Variants in NPSR1 observed in about 807,000 individuals in gnomAD.
NPSR1 encodes neuropeptide S receptor 1.
NPSR1 carries 48 observed loss-of-function variants against 46.9 expected under a neutral mutation model. The observed-to-expected ratio is 1.02, with a 90% CI of 0.81 to 1.30. The LOEUF (loss-of-function observed/expected upper bound fraction) is 1.30, where lower values mean the gene tolerates loss of function less well. Ranked by LOEUF, NPSR1 falls within the 50% of genes most tolerant of loss-of-function variation. The probability of loss-of-function intolerance (pLI) is 0.00; values close to 1 mark genes in which losing one functional copy is unlikely to be tolerated. For synonymous variants in NPSR1, 176 were observed against 168.1 expected (o/e 1.05, Z -0.36); for missense variants, 450 against 449.5 (o/e 1.00, Z -0.01).
rs139272346 is a variant in NPSR1, at chr7:34,808,028, C to G, written c.385-3742C>G. Reference sequence around the variant, plus strand: ...ACTGGGAGATTATTCTGGTTTATCCCAGTGATTCCCACATGTAATCATAAC... The same window carrying G: ...ACTGGGAGATTATTCTGGTTTATCCGAGTGATTCCCACATGTAATCATAAC... On this transcript the variant is annotated intron_variant, in intron 3 of 8. Coordinates refer to ENST00000360581, the MANE Select transcript of NPSR1 (RefSeq NM_207172.2). Among the ~76,000 whole-genome samples the G allele has an allele frequency of 1.1e-3, 173 of 152,162 alleles. 1 individual carries two copies. The highest frequency in any genetic ancestry group is 4.1e-3 in the African/African-American group (171 of 41,514).
chr7:34,799,358 G>C (rs1167845183), intron 3 of NPSR1, among the ~76,000 whole-genome samples: 1 of 151,682 alleles, frequency 6.6e-6, no homozygotes, highest in Non-Finnish European at 1.5e-5. Flanking sequence ...TCTTTAAAAA[G>C]ATAATAAAAT....
At chr7:34,873,586 T>C (rs990177113) in intron 8 of NPSR1, among the ~76,000 whole-genome samples, 11 of 151,182 alleles carry the variant, frequency 7.3e-5, no homozygotes, top group Non-Finnish European at 1.5e-4. Flanking sequence ...AAGAGAGAGG[T>C]GGAGGTATCA....
At chr7:34,781,510 A>G (rs1787230880) in intron 3 of NPSR1, among the ~76,000 whole-genome samples, 1 of 152,200 alleles carries the variant, frequency 6.6e-6, no homozygotes, top group South Asian at 2.1e-4. Context: ...GAAAGGTGGA[A>G]GCTATCAGTA....
At position 34,725,126 on chromosome 7, in the gene NPSR1, G is replaced by GAC. The variant is rs1175106673; in HGVS notation, c.280+40455_280+40456dup. Among the ~76,000 whole-genome samples the GAC allele has an allele frequency of 3.7e-3, 410 of 112,062 alleles. 5 individuals are homozygous for GAC. Among genetic ancestry groups the GAC allele is most frequent in the African/African-American group, 0.013 (388 of 29,406 alleles). 73.5% of individuals were successfully genotyped at this position (112,062 alleles called of 152,430 possible). On this transcript the variant is annotated intron_variant, in intron 2 of 8. Coordinates refer to ENST00000360581, the MANE Select transcript of NPSR1 (RefSeq NM_207172.2). ...ACACACACACACACACACACACACA[G>GAC]ACACACACACACACTCACACACACA...
At chr7:34,832,357 A>G (rs766036719) in intron 5 of NPSR1, among the ~76,000 whole-genome samples, 4 of 152,088 alleles carry the variant, frequency 2.6e-5, no homozygotes, top group Non-Finnish European at 5.9e-5. Flanking sequence ...GCATGGTGAA[A>G]CCCTGTCTCT....
At chr7:34,658,623 G>C in intron 1 of NPSR1, 64 bp downstream of exon 1, 1 of 1,471,084 alleles carries the variant, frequency 6.8e-7, no homozygotes, top group South Asian at 1.2e-5. Context: ...GAACTTAAGA[G>C]TGTCAATTGA....
chr7:34,683,179 C>T (rs547835509), intron 1 of NPSR1, among the ~76,000 whole-genome samples: 91 of 152,260 alleles, frequency 6.0e-4, no homozygotes, highest in Admixed American at 1.2e-3. Flanking sequence ...TGCGGTGGCT[C>T]ACACCTATAA....
chr7:34,768,748 C>T (rs544350069), intron 2 of NPSR1, among the ~76,000 whole-genome samples: 14 of 152,046 alleles, frequency 9.2e-5, no homozygotes, highest in Non-Finnish European at 1.9e-4. Flanking sequence ...TAGGAAACTG[C>T]GGAAGTTCAA....
rs532508100 is a variant in NPSR1, at chr7:34,873,561, G to A, written c.1026-4515G>A. Among the ~76,000 whole-genome samples, 2 of 151,730 alleles carry A rather than the reference G, an allele frequency of 1.3e-5. 1 individual carries two copies. Among genetic ancestry groups the A allele is most frequent in the African/African-American group, 4.9e-5 (2 of 41,064 alleles). ...TGAAGGAGGAGCCAATGTGTCACAT[G>A]GTCAGAGCAGGAGCAAGAGAGAGGT... On this transcript the variant is annotated intron_variant, in intron 8 of 8. Coordinates refer to the NPSR1 transcript ENST00000359791.
At chr7:34,724,778 A>G (rs1784049240) in intron 2 of NPSR1, among the ~76,000 whole-genome samples, 1 of 152,190 alleles carries the variant, frequency 6.6e-6, no homozygotes, top group South Asian at 2.1e-4. Flanking sequence ...ATATAAGAAA[A>G]GTGCTTAGCA....
chr7:34,823,228 T>C (rs895790998), intron 4 of NPSR1, among the ~76,000 whole-genome samples: 14 of 151,470 alleles, frequency 9.2e-5, no homozygotes, highest in African/African-American at 3.1e-4. Flanking sequence ...CTGTCTCTAC[T>C]AAAAAAATAC....
intron 3 of NPSR1, among the ~76,000 whole-genome samples, chr7:34,794,740 A>G (rs1490357166): frequency 6.6e-6 from 1 of 152,226 alleles, no homozygotes; most frequent in Non-Finnish European, 1.5e-5. Context: ...TTGCAAGGAA[A>G]AAAACACATC....
rs550924992 is a variant in NPSR1 at position 34,726,644 on chromosome 7, A to G, written c.280+41960A>G. The stretch of plus-strand genomic sequence containing the variant: ...CAGTAGATGAATGGAAAAACAAACT[A>G]TAGTACATCCAGACAATGGAATATT... On this transcript the variant is annotated intron_variant, in intron 2 of 8. Coordinates refer to ENST00000360581, the MANE Select transcript of NPSR1 (RefSeq NM_207172.2). 4.4e-4 allele frequency among the ~76,000 whole-genome samples: 67 copies of G among 152,318 alleles called. 1 individual carries two copies. Among genetic ancestry groups the G allele is most frequent in the South Asian group, 6.2e-4 (3 of 4,822 alleles).
Position 34,856,301 on chromosome 7 carries a change from G to T in NPSR1, c.1025+7638G>T, listed in dbSNP as rs115976882. 9.2e-3 allele frequency among the ~76,000 whole-genome samples: 1,390 copies of T among 151,774 alleles called. 68 individuals are homozygous for T. Among genetic ancestry groups the T allele is most frequent in the African/African-American group, 0.032 (1,331 of 41,134 alleles). On this transcript the variant is annotated intron_variant, in intron 8 of 8. Coordinates refer to the NPSR1 transcript ENST00000359791. ...ATTAATCACAAGGTTTAATAAGGTT[G>T]CAGGATACAAAAATCAATATTATTT...
chr7:34,739,891 G>C (rs1275350074), intron 2 of NPSR1, among the ~76,000 whole-genome samples: 1 of 152,234 alleles, frequency 6.6e-6, no homozygotes, highest in African/African-American at 2.4e-5. Context: ...GCCTCTGCCA[G>C]GAGGTGGTGT....
chr7:34,809,460 A>ATTT (rs1157591101), intron 3 of NPSR1, among the ~76,000 whole-genome samples: 8,187 of 110,722 alleles, frequency 0.074, 454 homozygotes, highest in Non-Finnish European at 0.1. Flanking sequence ...TCACCCAGGT[A>ATTT]TTTTTTTTTT....
intron 2 of NPSR1, chr7:34,751,941 TG>T: frequency 1.6e-6 from 2 of 1,237,252 alleles, no homozygotes; most frequent in Non-Finnish European, 2.4e-6. Flanking sequence ...CTGAGGCAAC[TG>T]GAAGTGGGGG....
At chr7:34,850,066 A>AT (rs1790888809), downstream of NPSR1, 1 of 865,662 alleles carries the variant, frequency 1.2e-6, no homozygotes, top group Non-Finnish European at 1.4e-6. Flanking sequence ...TTAAGCCCAT[A>AT]TTTTTCCCCC....
intron 2 of NPSR1, among the ~76,000 whole-genome samples, chr7:34,759,800 C>A (rs1047461028): frequency 2.0e-5 from 3 of 152,198 alleles, no homozygotes. Context: ...GGAGTTATCA[C>A]AAAGACTGGG....
Sources: allele counts gnomAD v4.1 joint callset (sites outside exome capture counted in the v4.1 genomes callset), GRCh38; gene constraint gnomAD v4.1.1; transcripts MANE v1.5; gene names NCBI Gene and HGNC (gene_info 2026-07-23, HGNC 2026-07-21).